SLC8A1: variants seen among roughly 807,000 people sequenced by gnomAD.
The protein encoded by SLC8A1 is solute carrier family 8 member A1, also known as sodium/calcium exchanger 1.
Under a neutral mutation model 68.3 loss-of-function variants are expected in SLC8A1, and 18 were observed. The ratio of observed to expected loss-of-function variants is 0.26; its 90% confidence interval spans 0.18 to 0.39. The LOEUF (loss-of-function observed/expected upper bound fraction) is 0.39. SLC8A1 is among the 10% of genes least tolerant of loss of function. SLC8A1 has a pLI of 1.00. For missense variants in SLC8A1, 985 were observed against 1,156.7 expected (o/e 0.85, Z 2.15); for synonymous variants, 475 against 415.5 (o/e 1.14, Z -1.74).
intron 2 of SLC8A1, chr2:40,251,908 G>C (rs389992): frequency 2.6e-5 from 4 of 151,978 alleles, no homozygotes; most frequent in African/African-American, 9.7e-5. Flanking sequence ...AATAAAGTCC[G>C]TGTAGATACA....
chr2:40,320,242 T>A (rs1474681392), intron 2 of SLC8A1, among the ~76,000 whole-genome samples: 1 of 152,178 alleles, frequency 6.6e-6, no homozygotes, highest in East Asian at 1.9e-4. Flanking sequence ...AAAATTTCAA[T>A]ACTTATTCTT....
At chr2:40,273,408 A>G (rs1337273165) in intron 2 of SLC8A1, among the ~76,000 whole-genome samples, 1 of 152,098 alleles carries the variant, frequency 6.6e-6, no homozygotes, top group Non-Finnish European at 1.5e-5. Context: ...TACTCTTAAT[A>G]AACTTTAATA....
At chr2:40,196,145 A>C (rs2052970173) in intron 2 of SLC8A1, among the ~76,000 whole-genome samples, 1 of 151,972 alleles carries the variant, frequency 6.6e-6, no homozygotes. Context: ...GGCTATTAAA[A>C]ATAAAACCAA....
intron 1 of SLC8A1, among the ~76,000 whole-genome samples, chr2:40,433,598 C>T (rs980008682): frequency 6.6e-6 from 1 of 152,110 alleles, no homozygotes; most frequent in Admixed American, 6.6e-5. Flanking sequence ...ATGCACAGTA[C>T]CCTAACAATA....
At chr2:40,207,949 G>A (rs1357190854) in intron 2 of SLC8A1, among the ~76,000 whole-genome samples, 1 of 152,054 alleles carries the variant, frequency 6.6e-6, no homozygotes, top group African/African-American at 2.4e-5. Flanking sequence ...TGGGAAGTTG[G>A]GCAGATTGAA....
chr2:40,315,996 T>C (rs947533005), intron 2 of SLC8A1, among the ~76,000 whole-genome samples: 4 of 152,022 alleles, frequency 2.6e-5, no homozygotes, highest in African/African-American at 9.7e-5. Context: ...ATGTAGAAAA[T>C]AGTCCATAGG....
intron 1 of SLC8A1, among the ~76,000 whole-genome samples, chr2:40,472,614 T>C (rs1704055932): frequency 6.6e-6 from 1 of 152,168 alleles, no homozygotes; most frequent in Non-Finnish European, 1.5e-5. Context: ...GTAGTCCTTT[T>C]GCTTTGGCTT....
chr2:40,341,652 A>G (rs763081544), intron 2 of SLC8A1, among the ~76,000 whole-genome samples: 12 of 152,308 alleles, frequency 7.9e-5, no homozygotes, highest in Non-Finnish European at 1.8e-4. Context: ...ACTTCTTCCA[A>G]CGTAAAAATT....
At position 40,321,283 on chromosome 2, in the gene SLC8A1, G is replaced by C. The variant is rs570112756; in HGVS notation, c.1808+107190C>G. Among the ~76,000 whole-genome samples the C allele has an allele frequency of 5.3e-5, 8 of 152,000 alleles. No homozygotes were observed. In the South Asian group the frequency reaches 1.5e-3, roughly 28 times the overall value. On this transcript the variant is annotated intron_variant, in intron 2 of 7. Coordinates refer to ENST00000406785, the Ensembl canonical transcript of SLC8A1. ...ATGTAATTGTTTTTTCTGAAATCTC[G>C]GTGTATGGTTTGCACAAGTAAATTA...
intron 2 of SLC8A1, among the ~76,000 whole-genome samples, chr2:40,363,209 T>C (rs943897784): frequency 4.6e-5 from 7 of 152,166 alleles, no homozygotes; most frequent in Non-Finnish European, 1.0e-4. Flanking sequence ...AGAGATAAGA[T>C]TCATTCAACA....
chr2:40,233,354 G>C (rs1421950349), intron 2 of SLC8A1, among the ~76,000 whole-genome samples: 1 of 152,062 alleles, frequency 6.6e-6, no homozygotes, highest in African/African-American at 2.4e-5. Context: ...CAGTGATGAT[G>C]AGCATTTTTT....
exon 8 of SLC8A1, chr2:40,115,107 T>G: frequency 1.9e-6 from 1 of 517,964 alleles, no homozygotes; most frequent in Admixed American, 4.0e-5. Flanking sequence ...GTTTTTTACT[T>G]CGGCCCTAGT....
chr2:40,299,442 C>T (rs948608528), intron 2 of SLC8A1, among the ~76,000 whole-genome samples: 16 of 152,196 alleles, frequency 1.1e-4, no homozygotes, highest in African/African-American at 3.1e-4. Flanking sequence ...TGTGGCTGAA[C>T]TCATCTCCTA....
intron 2 of SLC8A1, among the ~76,000 whole-genome samples, chr2:40,372,312 T>A (rs1678357405): frequency 6.6e-6 from 1 of 152,052 alleles, no homozygotes; most frequent in Admixed American, 6.6e-5. Context: ...CTTAAATTGG[T>A]GTATGTGTGT....
At chr2:40,133,853 A>G (rs1244549688) in intron 7 of SLC8A1, among the ~76,000 whole-genome samples, 1 of 152,190 alleles carries the variant, frequency 6.6e-6, no homozygotes, top group Non-Finnish European at 1.5e-5. Context: ...GTCCTGGCCC[A>G]ATATACCCAA....
rs200108106 is a variant in SLC8A1 at position 40,392,034 on chromosome 2, AAAAC to A, written c.1808+36435_1808+36438del. Among the ~76,000 whole-genome samples, 864 of 148,012 alleles carry A rather than the reference AAAAC, an allele frequency of 5.8e-3. 5 individuals carry two copies. Among genetic ancestry groups the A allele is most frequent in the Non-Finnish European group, 9.0e-3 (607 of 67,418 alleles). On this transcript the variant is annotated intron_variant, in intron 2 of 7. Transcript: ENST00000406785. The stretch of plus-strand genomic sequence containing the variant: ...AAAATGCTGGTTGCCTTCTCTTAAA[AAAAC>A]AAACAAACAAACAAAATAAGAAGGA...
rs879777489 is a variant in SLC8A1 at position 40,237,684 on chromosome 2, C to A, written c.1809-59829G>T. ...CCTTTGGAGGAGGAGAGGCGCTCTG[C>A]TTTTTAGAGTTTCCAGTTTTTCTGT... On this transcript the variant is annotated intron_variant, in intron 2 of 7. Coordinates refer to ENST00000406785, the Ensembl canonical transcript of SLC8A1. 1.5e-3 allele frequency among the ~76,000 whole-genome samples: 222 copies of A among 152,154 alleles called. 4 individuals are homozygous for A. The highest frequency in any genetic ancestry group is 0.014 in the Admixed American group (209 of 15,278).
intron 1 of SLC8A1, among the ~76,000 whole-genome samples, chr2:40,440,850 T>C (rs959057704): frequency 1.3e-5 from 2 of 152,140 alleles, no homozygotes; most frequent in African/African-American, 4.8e-5. Flanking sequence ...CTGGAAGCAT[T>C]CCCTTTGAAA....
intron 2 of SLC8A1, among the ~76,000 whole-genome samples, chr2:40,360,115 A>C (rs1674141396): frequency 6.6e-6 from 1 of 152,138 alleles, no homozygotes; most frequent in Non-Finnish European, 1.5e-5. Flanking sequence ...TACTATCCCC[A>C]TTTTAGAGGT....
Sources: gnomAD v4.1 joint callset for allele counts (sites outside exome capture counted in the v4.1 genomes callset) on GRCh38, gnomAD v4.1.1 for gene constraint, MANE v1.5 for transcripts, NCBI Gene and HGNC (gene_info 2026-07-23, HGNC 2026-07-21) for gene names.